STK33: variants seen among roughly 807,000 people sequenced by gnomAD.
STK33 encodes the protein serine/threonine kinase 33, also known as serine/threonine-protein kinase 33.
A neutral mutation model predicts 58.0 loss-of-function variants in STK33; 52 were observed. That is an observed-to-expected ratio of 0.90 (90% CI 0.72 to 1.13). STK33 has a LOEUF of 1.13. STK33 is among the 50% of genes most tolerant of loss of function. The probability of loss-of-function intolerance (pLI) is 0.00; values close to 1 mark genes in which losing one functional copy is unlikely to be tolerated. For synonymous variants in STK33, 215 were observed against 200.1 expected, an observed-to-expected ratio of 1.07 and a Z score of -0.63; for missense variants, 630 against 604.2, an observed-to-expected ratio of 1.04 and a Z score of -0.45.
intron 15 of STK33, among the ~76,000 whole-genome samples, chr11:8,394,868 T>G (rs1283823562): frequency 2.6e-5 from 4 of 152,234 alleles, no homozygotes; most frequent in Admixed American, 2.6e-4. Flanking sequence ...CAAATTTTTT[T>G]GTAATTTTAG....
At chr11:8,544,356 T>C (rs998079044) in intron 1 of STK33, among the ~76,000 whole-genome samples, 1 of 148,082 alleles carries the variant, frequency 6.8e-6, no homozygotes, top group African/African-American at 2.4e-5. Flanking sequence ...TATAATTATA[T>C]ATATGTAATA....
intron 1 of STK33, among the ~76,000 whole-genome samples, chr11:8,506,213 A>C (rs1211327962): frequency 6.6e-6 from 1 of 152,150 alleles, no homozygotes; most frequent in Non-Finnish European, 1.5e-5. Flanking sequence ...ATAACCTTTT[A>C]AATAGTGAAG....
chr11:8,428,351 C>A (rs1047901989), intron 14 of STK33, among the ~76,000 whole-genome samples: 4 of 152,156 alleles, frequency 2.6e-5, no homozygotes, highest in African/African-American at 9.7e-5. Context: ...AAAGGAAAAA[C>A]CGGGTTGTTT....
At chr11:8,590,422 T>G (rs773961965) in intron 1 of STK33, among the ~76,000 whole-genome samples, 1 of 61,786 alleles carries the variant, frequency 1.6e-5, no homozygotes, top group East Asian at 4.1e-4. Flanking sequence ...AATAACTTTA[T>G]CAAAAATAAG....
chr11:8,369,295 CTGTGTGTG>C, the STK33 span, among the ~76,000 whole-genome samples: 146 of 137,748 alleles, frequency 1.1e-3, no homozygotes, highest in Admixed American at 4.6e-3. Context: ...GGTTTTTACT[CTGTGTGTG>C]TGTGTGTGTG....
chr11:8,489,086 C>T (rs555389473), intron 1 of STK33, among the ~76,000 whole-genome samples: 4 of 151,856 alleles, frequency 2.6e-5, no homozygotes, highest in African/African-American at 9.7e-5. Context: ...GAGCTAGACC[C>T]TATCTCTAGT....
At chr11:8,457,667 C>T (rs1196706527) in intron 8 of STK33, among the ~76,000 whole-genome samples, 188 bp from the exon 9 acceptor site, 1 of 152,052 alleles carries the variant, frequency 6.6e-6, no homozygotes, top group African/African-American at 2.4e-5. Context: ...GTATTTATCC[C>T]CAAGAAGCTC....
At chr11:8,553,167 AATATAT>A (rs56363010) in intron 1 of STK33, among the ~76,000 whole-genome samples, 31 of 68,192 alleles carry the variant, frequency 4.5e-4, no homozygotes, top group Non-Finnish European at 6.0e-4. Flanking sequence ...CCAAAAATAA[AATATAT>A]ATATATATAT....
chr11:8,337,333 T>C, the STK33 span, among the ~76,000 whole-genome samples: 2 of 152,218 alleles, frequency 1.3e-5, no homozygotes, highest in Non-Finnish European at 2.9e-5. Context: ...ACACATCTTA[T>C]TGATTTTCTT....
the STK33 span, among the ~76,000 whole-genome samples, chr11:8,370,568 G>A: frequency 3.3e-5 from 5 of 152,194 alleles, no homozygotes; most frequent in African/African-American, 1.2e-4. Context: ...GCAGAGGGCA[G>A]CACTGGGCCC....
chr11:8,380,052 C>G, the STK33 span, among the ~76,000 whole-genome samples: 1 of 152,100 alleles, frequency 6.6e-6, no homozygotes, highest in Non-Finnish European at 1.5e-5. Flanking sequence ...AGGTTGATTC[C>G]ATGTCTTTTC....
At chr11:8,575,961 A>G (rs923201259) in intron 1 of STK33, among the ~76,000 whole-genome samples, 1 of 152,170 alleles carries the variant, frequency 6.6e-6, no homozygotes, top group Non-Finnish European at 1.5e-5. Flanking sequence ...ACTGTATTCT[A>G]AAGACTACAG....
At chr11:8,593,248 A>C (rs1420873373) in intron 1 of STK33, among the ~76,000 whole-genome samples, 1 of 152,206 alleles carries the variant, frequency 6.6e-6, no homozygotes, top group East Asian at 1.9e-4. Flanking sequence ...TTTGGGTTCA[A>C]AACTTGTTGA....
chr11:8,476,969 T>C (rs949136300), intron 3 of STK33, among the ~76,000 whole-genome samples: 7 of 152,148 alleles, frequency 4.6e-5, no homozygotes, highest in African/African-American at 1.7e-4. Flanking sequence ...TATAAGATTA[T>C]TAAATAGAAT....
intron 1 of STK33, among the ~76,000 whole-genome samples, chr11:8,515,202 CAAAT>C (rs1217267612): frequency 6.6e-6 from 1 of 152,034 alleles, no homozygotes; most frequent in African/African-American, 2.4e-5. Flanking sequence ...AGAGAATACT[CAAAT>C]AAAATCAGAA....
intron 9 of STK33, among the ~76,000 whole-genome samples, chr11:8,457,032 T>C (rs1316533484): frequency 1.3e-5 from 2 of 152,218 alleles, no homozygotes. Context: ...ATACAGATTC[T>C]AATGTTATGA....
the STK33 span, among the ~76,000 whole-genome samples, chr11:8,354,375 G>A: frequency 2.6e-5 from 4 of 151,666 alleles, no homozygotes; most frequent in East Asian, 1.9e-4. Context: ...AGTCCTAAGG[G>A]CATCCAGGTG....
At chr11:8,475,744 G>T (rs1348463414) in intron 4 of STK33, 1 of 152,160 alleles carries the variant, frequency 6.6e-6, no homozygotes, top group Non-Finnish European at 1.5e-5. Context: ...AAAGATCTCA[G>T]TTGAGGAGGA....
chr11:8,566,579 C>T (rs1023254804), intron 1 of STK33, among the ~76,000 whole-genome samples: 1 of 152,202 alleles, frequency 6.6e-6, no homozygotes, highest in Admixed American at 6.5e-5. Flanking sequence ...GATATCTTGA[C>T]TAAATTCTGC....
Sources: gnomAD v4.1 joint callset for allele counts (sites outside exome capture counted in the v4.1 genomes callset) on GRCh38, gnomAD v4.1.1 for gene constraint, MANE v1.5 for transcripts, NCBI Gene and HGNC (gene_info 2026-07-23, HGNC 2026-07-21) for gene names.